Variants in PGBD5 observed in about 807,000 individuals in gnomAD.
PGBD5 encodes piggyBac transposable element-derived protein 5.
In PGBD5, 14 loss-of-function variants were observed where a neutral mutation model predicts 47.9. The observed-to-expected ratio is 0.29, with a 90% CI of 0.19 to 0.46. The LOEUF (loss-of-function observed/expected upper bound fraction) is 0.46, where lower values mean the gene tolerates loss of function less well. Among genes scored for constraint, PGBD5 ranks in the 20% least tolerant of loss-of-function variants. The probability of loss-of-function intolerance (pLI) is 1.00; values close to 1 mark genes in which losing one functional copy is unlikely to be tolerated. For missense variants in PGBD5, 635 were observed against 716.0 expected, an observed-to-expected ratio of 0.89 and a Z score of 1.29; for synonymous variants, 316 against 306.3, an observed-to-expected ratio of 1.03 and a Z score of -0.33.
At chr1:230,409,532 T>G (rs555946975) in intron 1 of PGBD5, among the ~76,000 whole-genome samples, 1 of 152,284 alleles carries the variant, frequency 6.6e-6, no homozygotes, top group African/African-American at 2.4e-5. Context: ...AGGACTGAAA[T>G]ACTGAGACAT....
chr1:230,354,469 A>G (rs1408488609), intron 2 of PGBD5, among the ~76,000 whole-genome samples: 2 of 152,214 alleles, frequency 1.3e-5, no homozygotes, highest in Non-Finnish European at 2.9e-5. Flanking sequence ...AGAGCAAGGG[A>G]GTCAGGGGAG....
intron 2 of PGBD5, among the ~76,000 whole-genome samples, chr1:230,354,756 C>T (rs1667608908): frequency 6.6e-6 from 1 of 152,226 alleles, no homozygotes; most frequent in Non-Finnish European, 1.5e-5. Context: ...CCTGCATCAA[C>T]ATCTCTTCGG....
chr1:230,396,848 C>T (rs370436953), intron 1 of PGBD5, among the ~76,000 whole-genome samples: 2 of 152,104 alleles, frequency 1.3e-5, no homozygotes, highest in South Asian at 2.1e-4. Context: ...GGATTGTGTG[C>T]GGAGCAGACC....
chr1:230,379,494 C>A (rs1379279887), intron 1 of PGBD5, among the ~76,000 whole-genome samples: 2 of 152,222 alleles, frequency 1.3e-5, no homozygotes, highest in Non-Finnish European at 2.9e-5. Flanking sequence ...ATACCATACC[C>A]CTCACTGAAA....
At chr1:230,395,830 G>T (rs377647218) in intron 1 of PGBD5, among the ~76,000 whole-genome samples, 1 of 20,212 alleles carries the variant, frequency 4.9e-5, no homozygotes, top group African/African-American at 2.7e-4. Context: ...CCCCATCCCT[G>T]AGCTCCTCAT....
intron 1 of PGBD5, among the ~76,000 whole-genome samples, chr1:230,403,386 C>T (rs564019552): frequency 4.5e-4 from 69 of 152,354 alleles, no homozygotes; most frequent in African/African-American, 1.4e-3. Flanking sequence ...TCGCCTCTCA[C>T]CCTCCACTTG....
chr1:230,350,896 C>T (rs1486963748), intron 3 of PGBD5, 62 bp downstream of exon 3: 24 of 1,581,220 alleles, frequency 1.5e-5, no homozygotes, highest in East Asian at 4.5e-5. Context: ...GAGCCCAAGT[C>T]GCCCGGATTT....
chr1:230,401,523 T>C (rs1657138791), intron 1 of PGBD5, among the ~76,000 whole-genome samples: 1 of 152,090 alleles, frequency 6.6e-6, no homozygotes, highest in Non-Finnish European at 1.5e-5. Context: ...CAGATCCTTG[T>C]CCTATGCCAA....
chr1:230,358,158 G>A (rs751995542), intron 1 of PGBD5, among the ~76,000 whole-genome samples: 10 of 151,954 alleles, frequency 6.6e-5, no homozygotes, highest in South Asian at 2.1e-4. Context: ...CCTGTCTCCC[G>A]CCACGCCATC....
At chr1:230,390,190 A>C (rs564851074) in intron 1 of PGBD5, among the ~76,000 whole-genome samples, 1 of 152,268 alleles carries the variant, frequency 6.6e-6, no homozygotes, top group African/African-American at 2.4e-5. Flanking sequence ...TCTGCCCACC[A>C]TAAGTGGGTG....
At chr1:230,362,658 AC>A (rs1667766504) in intron 1 of PGBD5, among the ~76,000 whole-genome samples, 1 of 151,832 alleles carries the variant, frequency 6.6e-6, no homozygotes, top group Non-Finnish European at 1.5e-5. Context: ...CCGTCTCCCG[AC>A]CCCAGCTAAA....
In PGBD5 at chr1:230,316,267, T is replaced by G. The variant is rs745479281; in HGVS notation, c.*7158A>C. 5 of 153,278 alleles carry G rather than the reference T, an allele frequency of 3.3e-5. No individual in the cohort carries two copies. The highest frequency in any genetic ancestry group is 1.5e-5 in the Non-Finnish European group (1 of 68,032). The allele number at this position is 153,278 out of a possible 1,614,324, so 9.5% of individuals were successfully genotyped here. A position where few individuals can be genotyped will look rare whatever the true frequency, so the allele number is the denominator to read the frequency against. On this transcript the variant is annotated 3_prime_UTR_variant, in exon 7 of 7. Coordinates refer to ENST00000391860, the MANE Select transcript of PGBD5 (RefSeq NM_001258311.2). ...GTATATATGTATTAAGTGGACATTG[T>G]ACTTCTGATGTGGATACGGTGATGA... is the stretch of plus-strand genomic sequence containing the variant.
intron 1 of PGBD5, among the ~76,000 whole-genome samples, chr1:230,404,323 T>A (rs958773902): frequency 6.6e-6 from 1 of 151,660 alleles, no homozygotes; most frequent in African/African-American, 2.4e-5. Flanking sequence ...TACAAATAAT[T>A]TAAAAAATTA....
At chr1:230,325,246 A>C in intron 6 of PGBD5, 64 bp downstream of exon 6, 1 of 1,188,374 alleles carries the variant, frequency 8.4e-7, no homozygotes. Context: ...ATCTGCCATT[A>C]CATCTCTTCC....
At position 230,332,973 on chromosome 1, in the gene PGBD5, T is replaced by C; in HGVS notation, c.1144A>G (p.Thr382Ala). The change falls in exon 5 of 7, where the codon ACC becomes GCC. Residue 382 changes from threonine to alanine, a missense_variant. Physicochemically the swap from Thr to Ala is moderately conservative, Grantham distance 58 (BLOSUM62 0). Coordinates refer to ENST00000391860, the MANE Select transcript of PGBD5 (RefSeq NM_001258311.2). ...CGGGCCGGGGGTGTGGCTGGGTTGGTCAGCATGGACAGTGGGAGGCCGGTG... is the reference window on the plus strand; with the variant it reads ...CGGGCCGGGGGTGTGGCTGGGTTGGCCAGCATGGACAGTGGGAGGCCGGTG... ...DCTGLPLSML[T>A]NPATPPARGQ... 6.2e-7 allele frequency: 1 copy of C among 1,613,840 alleles called. No individual in the cohort carries two copies. Among genetic ancestry groups the C allele is most frequent in the Non-Finnish European group, 8.5e-7 (1 of 1,179,848 alleles).
At chr1:230,351,981 TG>T in intron 2 of PGBD5, among the ~76,000 whole-genome samples, 1 of 152,304 alleles carries the variant, frequency 6.6e-6, no homozygotes, top group Admixed American at 6.5e-5. Context: ...TTCAGGAACG[TG>T]CTACACTTCC....
intron 3 of PGBD5, among the ~76,000 whole-genome samples, chr1:230,349,298 C>T (rs542514116): frequency 2.6e-5 from 4 of 152,016 alleles, no homozygotes. Context: ...GAGGCCGAGG[C>T]GGGATGATCA....
At chr1:230,371,128 A>T (rs1426019526) in intron 1 of PGBD5, among the ~76,000 whole-genome samples, 2 of 152,232 alleles carry the variant, frequency 1.3e-5, no homozygotes, top group African/African-American at 4.8e-5. Context: ...TTGCAAGAGA[A>T]GCAGCTCAGA....
At chr1:230,327,813 C>T (rs1009377405) in intron 5 of PGBD5, among the ~76,000 whole-genome samples, 4 of 152,244 alleles carry the variant, frequency 2.6e-5, no homozygotes, top group African/African-American at 4.8e-5. Flanking sequence ...GGCCCCTTAT[C>T]TCAGCTGCCT....
Sources: gnomAD v4.1 joint callset for allele counts (sites outside exome capture counted in the v4.1 genomes callset) on GRCh38, gnomAD v4.1.1 for gene constraint, MANE v1.5 for transcripts, NCBI Gene and HGNC (gene_info 2026-07-23, HGNC 2026-07-21) for gene names.